The following PRR5L variants were observed in gnomAD, a reference collection of about 807,000 sequenced individuals.
PRR5L encodes the protein proline-rich protein 5-like.
A neutral mutation model predicts 36.4 loss-of-function variants in PRR5L; 21 were observed. The observed-to-expected ratio is 0.58, with a 90% CI of 0.41 to 0.83. The LOEUF is 0.83. Among genes scored for constraint, PRR5L ranks in the 40% least tolerant of loss-of-function variants. The pLI is 0.00. For missense variants in PRR5L, 381 were observed against 473.3 expected (o/e 0.80, Z 1.81); for synonymous variants, 188 against 197.0 (o/e 0.95, Z 0.38).
Position 36,426,920 on chromosome 11 carries a change from C to T in PRR5L, c.295-4933C>T, listed in dbSNP as rs774683807. ...CCTGTACCTAGCCTTCTTGGTTATC[C>T]GTCTCATCTGGGTCCATCCCACCGG... On this transcript the variant is annotated intron_variant, in intron 4 of 8. Coordinates refer to ENST00000530639, the MANE Select transcript of PRR5L (RefSeq NM_001160167.2). Among the ~76,000 whole-genome samples the T allele has an allele frequency of 1.1e-4, 17 of 152,260 alleles. 1 individual carries two copies. The highest frequency in any genetic ancestry group is 2.1e-4 in the Non-Finnish European group (14 of 68,014).
At chr11:36,411,280 T>G (rs11602467) in intron 3 of PRR5L, among the ~76,000 whole-genome samples, 4,907 of 152,274 alleles carry the variant, frequency 0.032, 119 homozygotes, top group East Asian at 0.086. Flanking sequence ...TTCCAGCTTT[T>G]AGTAATGCCT....
At chr11:36,403,430 G>A in intron 3 of PRR5L, 52 bp downstream of exon 3, 1 of 1,437,078 alleles carries the variant, frequency 7.0e-7, no homozygotes, top group Non-Finnish European at 9.8e-7. Flanking sequence ...CCTGAGCAGG[G>A]GCATAGGGGC....
At chr11:36,348,305 T>A (rs1054539019) in intron 1 of PRR5L, among the ~76,000 whole-genome samples, 2 of 152,148 alleles carry the variant, frequency 1.3e-5, no homozygotes, top group African/African-American at 2.4e-5. Context: ...ACGGTATCTA[T>A]TGTTCCTATT....
chr11:36,399,374 G>C (rs929161258), intron 1 of PRR5L, among the ~76,000 whole-genome samples: 1 of 152,096 alleles, frequency 6.6e-6, no homozygotes, highest in Non-Finnish European at 1.5e-5. Flanking sequence ...TTGTTGCTAT[G>C]CCTGTTGCCT....
At chr11:36,416,783 C>T (rs1463492138) in intron 3 of PRR5L, among the ~76,000 whole-genome samples, 1 of 151,570 alleles carries the variant, frequency 6.6e-6, no homozygotes, top group Non-Finnish European at 1.5e-5. Flanking sequence ...TGTGCTTCCA[C>T]CCTCCCTGTA....
intron 3 of PRR5L, among the ~76,000 whole-genome samples, chr11:36,404,855 A>C (rs988057491): frequency 3.9e-5 from 6 of 152,222 alleles, no homozygotes; most frequent in Admixed American, 3.3e-4. Context: ...CCAAGGCCTC[A>C]TTTTACAAAG....
chr11:36,395,964 A>G (rs1215154873), intron 1 of PRR5L: 1 of 152,146 alleles, frequency 6.6e-6, no homozygotes, highest in African/African-American at 2.4e-5. Flanking sequence ...TCCTGGGCTC[A>G]AGCAGTCCGC....
chr11:36,442,719 T>C (rs1858748108), intron 6 of PRR5L, among the ~76,000 whole-genome samples: 1 of 152,172 alleles, frequency 6.6e-6, no homozygotes, highest in Non-Finnish European at 1.5e-5. Context: ...ATGGACACAA[T>C]ACAGACAAAT....
At chr11:36,351,555 T>TATATAAA (rs1565408602) in intron 1 of PRR5L, among the ~76,000 whole-genome samples, 3 of 2,692 alleles carry the variant, frequency 1.1e-3, no homozygotes, top group South Asian at 0.013. Context: ...TTATATATAT[T>TATATAAA]TATATATTTA....
intron 1 of PRR5L, among the ~76,000 whole-genome samples, chr11:36,322,769 C>T (rs75127283): frequency 0.042 from 6,407 of 152,224 alleles, 148 homozygotes; most frequent in Middle Eastern, 0.068. Context: ...ACAAAAGATA[C>T]GGTGAAGACC....
chr11:36,335,019 C>T (rs1856754888), intron 1 of PRR5L, among the ~76,000 whole-genome samples: 1 of 152,116 alleles, frequency 6.6e-6, no homozygotes, highest in South Asian at 2.1e-4. Context: ...AATAGTATTT[C>T]ATCTTATCAT....
At chr11:36,403,089 C>A (rs573304574) in intron 2 of PRR5L, among the ~76,000 whole-genome samples, 1 of 152,332 alleles carries the variant, frequency 6.6e-6, no homozygotes, top group African/African-American at 2.4e-5. Context: ...TGCTGGCTTG[C>A]AAGAAAGCGG....
intron 1 of PRR5L, among the ~76,000 whole-genome samples, chr11:36,330,045 T>C (rs995914832): frequency 3.4e-4 from 52 of 152,360 alleles, no homozygotes; most frequent in Admixed American, 1.6e-3. Flanking sequence ...TAACCTATGT[T>C]TCCAATTATT....
At position 36,408,888 on chromosome 11, in the gene PRR5L, G is replaced by T. The variant is rs138520225; in HGVS notation, c.245+5510G>T. ...AGTGCTTTCAGTCTTTGAGTGTTGG[G>T]GTGTGTGTGTCGAAGCAGGGGCCAT... On this transcript the variant is annotated intron_variant, in intron 3 of 8. Transcript: ENST00000530639. Among the ~76,000 whole-genome samples, 461 of 152,226 alleles carry T rather than the reference G, an allele frequency of 3.0e-3. 1 individual carries two copies. Among genetic ancestry groups the T allele is most frequent in the African/African-American group, 8.6e-3 (358 of 41,528 alleles).
intron 3 of PRR5L, among the ~76,000 whole-genome samples, chr11:36,403,853 T>G (rs967168402): frequency 6.6e-6 from 1 of 152,254 alleles, no homozygotes; most frequent in African/African-American, 2.4e-5. Context: ...CTTGCCCTCC[T>G]GGAATTTATA....
intron 1 of PRR5L, chr11:36,321,365 G>C (rs138974791): frequency 6.6e-6 from 1 of 152,196 alleles, no homozygotes; most frequent in Admixed American, 6.5e-5. Flanking sequence ...TGTAGAAAGA[G>C]TAAAGGGGCT....
chr11:36,400,461 T>C (rs764117844), intron 1 of PRR5L, among the ~76,000 whole-genome samples: 4 of 152,162 alleles, frequency 2.6e-5, no homozygotes, highest in African/African-American at 9.7e-5. Flanking sequence ...ACTCAGTGAG[T>C]GTGTCCTGAT....
chr11:36,399,699 A>G (rs1212153692), intron 1 of PRR5L, among the ~76,000 whole-genome samples: 2 of 152,256 alleles, frequency 1.3e-5, no homozygotes, highest in Non-Finnish European at 2.9e-5. Flanking sequence ...AAAAGTGACT[A>G]TGAGATTCGT....
chr11:36,380,771 T>C lies in PRR5L; in HGVS notation c.-125-20226T>C, dbSNP rs370658319. Among the ~76,000 whole-genome samples, 5 of 152,352 alleles carry C rather than the reference T, an allele frequency of 3.3e-5. No homozygotes were observed. The South Asian group carries it at 8.3e-4, about 25-fold the overall frequency. Reference sequence around the variant, plus strand: ...TGAGATTTTAGAGGTTTTTATATATTCTTCAAATGTGTAGAGGACATTCTC... The same window carrying C: ...TGAGATTTTAGAGGTTTTTATATATCCTTCAAATGTGTAGAGGACATTCTC... On this transcript the variant is annotated intron_variant, in intron 1 of 8. Coordinates refer to ENST00000530639, the MANE Select transcript of PRR5L (RefSeq NM_001160167.2).
Sources: gnomAD v4.1 joint callset for allele counts (sites outside exome capture counted in the v4.1 genomes callset) on GRCh38, gnomAD v4.1.1 for gene constraint, MANE v1.5 for transcripts, NCBI Gene and HGNC (gene_info 2026-07-23, HGNC 2026-07-21) for gene names.